The following PCDHA7 variants were observed in gnomAD, a reference collection of about 807,000 sequenced individuals.
The protein encoded by PCDHA7 is protocadherin alpha-7.
A neutral mutation model predicts 57.2 loss-of-function variants in PCDHA7; 37 were observed. The observed-to-expected ratio is 0.65, with a 90% CI of 0.50 to 0.85. The LOEUF (loss-of-function observed/expected upper bound fraction) is 0.85, where lower values mean the gene tolerates loss of function less well. Ranked by LOEUF, PCDHA7 falls within the 40% of genes least tolerant of loss-of-function variation. The pLI, the probability that PCDHA7 is intolerant of heterozygous loss-of-function variation, is 0.00. For synonymous variants in PCDHA7, 553 were observed against 558.8 expected (o/e 0.99, Z 0.15); for missense variants, 1,188 against 1,241.8 (o/e 0.96, Z 0.65).
At position 140,853,566 on chromosome 5, in the gene PCDHA7, G is replaced by A; in HGVS notation, c.2355+16828G>A. 2.0e-6 allele frequency: 2 copies of A among 981,338 alleles called. 1 individual carries two copies. The highest frequency in any genetic ancestry group is 2.5e-6 in the Non-Finnish European group (2 of 813,850). 60.8% of individuals were successfully genotyped at this position (981,338 alleles called of 1,614,324 possible). A position where few individuals can be genotyped will look rare whatever the true frequency, so the allele number is the denominator to read the frequency against. ...GTAATTACTATATAGGAAAAACTAA[G>A]TTGTCACCCAATATCTTAGACACTT... On this transcript the variant is annotated intron_variant, in intron 1 of 3. Transcript: ENST00000525929.
At chr5:140,899,251 G>A (rs1322090098) in intron 1 of PCDHA7, among the ~76,000 whole-genome samples, 1 of 152,082 alleles carries the variant, frequency 6.6e-6, no homozygotes, top group Non-Finnish European at 1.5e-5. Flanking sequence ...GTGAGAGAGG[G>A]CATCCCTGTC....
At chr5:140,841,519 G>C (rs1777296865) in intron 1 of PCDHA7, 1 of 1,613,472 alleles carries the variant, frequency 6.2e-7, no homozygotes, top group African/African-American at 1.3e-5. Context: ...TGTTCCGGGT[G>C]GCGTCCAAAA....
chr5:140,966,788 C>A, intron 1 of PCDHA7: 1 of 1,527,436 alleles, frequency 6.5e-7, no homozygotes, highest in African/African-American at 1.4e-5. Flanking sequence ...GGGCACCAGA[C>A]CTGCGGCGAC....
chr5:140,959,696 G>A (rs1344206142), intron 1 of PCDHA7, among the ~76,000 whole-genome samples: 1 of 152,098 alleles, frequency 6.6e-6, no homozygotes, highest in Non-Finnish European at 1.5e-5. Flanking sequence ...AATAAAATGA[G>A]CTTTGAAAGG....
chr5:140,943,257 CAAA>C (rs1238620023), intron 1 of PCDHA7, among the ~76,000 whole-genome samples: 2 of 77,570 alleles, frequency 2.6e-5, no homozygotes. Flanking sequence ...GACTCTGTCT[CAAA>C]AAAAAAAAAA....
intron 1 of PCDHA7, among the ~76,000 whole-genome samples, chr5:140,890,446 T>A (rs1554184296): frequency 6.6e-6 from 1 of 152,228 alleles, no homozygotes; most frequent in Non-Finnish European, 1.5e-5. Context: ...CCTAGTGATA[T>A]CTTTAGGCAC....
chr5:140,836,281 C>A lies in PCDHA7; in HGVS notation c.1898C>A (p.Thr633Lys). 1.2e-6 allele frequency: 2 copies of A among 1,613,732 alleles called. No individual in the cohort carries two copies. The highest frequency in any genetic ancestry group is 1.7e-6 in the Non-Finnish European group (2 of 1,179,808). Residue 633 changes from threonine (T) to lysine (K), a missense_variant, in exon 1 of 4, where the codon ACG becomes AAG. Physicochemically the swap from Thr to Lys is moderately conservative, Grantham distance 78 (BLOSUM62 -1). Coordinates refer to ENST00000525929, the MANE Select transcript of PCDHA7 (RefSeq NM_018910.3). ...RVGLYTGEIS[T>K]TRALDETDAP... is the part of the protein sequence containing the mutation. ...GGGCTGTACACTGGTGAGATCAGCACGACACGAGCCCTAGATGAGACGGAC... is the reference window on the plus strand; with the variant it reads ...GGGCTGTACACTGGTGAGATCAGCAAGACACGAGCCCTAGATGAGACGGAC...
In PCDHA7 at chr5:140,835,194, G is replaced by A; in HGVS notation, c.811G>A (p.Glu271Lys). Residue 271 changes from glutamate (E) to lysine (K), a missense_variant, in exon 1 of 4, where the codon GAA becomes AAA. Around this residue, in one of 3 missense-constraint regions of PCDHA7, gnomAD observed 102 missense variants for 267.4 expected, o/e 0.38. Transcript: ENST00000525929. ...VIHPNASDLD[E>K]GLNGDIIYSF... is the part of the protein sequence containing the mutation. ...TCACCCCAATGCCTCAGATTTAGAC[G>A]AAGGCTTGAATGGGGATATTATTTA... 6.5e-7 allele frequency: 1 copy of A among 1,544,758 alleles called. No homozygotes were observed. Among genetic ancestry groups the A allele is most frequent in the Non-Finnish European group, 8.8e-7 (1 of 1,140,994 alleles).
chr5:141,005,164 G>A (rs782398186), intron 3 of PCDHA7, among the ~76,000 whole-genome samples: 2 of 152,178 alleles, frequency 1.3e-5, no homozygotes, highest in Non-Finnish European at 2.9e-5. Context: ...TAAAGAGTGG[G>A]TACCACTTTC....
chr5:140,887,711 T>C (rs1486449046), intron 1 of PCDHA7, among the ~76,000 whole-genome samples: 1 of 152,198 alleles, frequency 6.6e-6, no homozygotes, highest in African/African-American at 2.4e-5. Context: ...ATACTTCTTC[T>C]AATAGTTTTT....
At chr5:140,983,882 A>G (rs1203287819) in intron 3 of PCDHA7, among the ~76,000 whole-genome samples, 2 of 152,224 alleles carry the variant, frequency 1.3e-5, no homozygotes, top group East Asian at 3.8e-4. Flanking sequence ...TTTACTGGCA[A>G]CTTTAAGGGC....
In PCDHA7 at chr5:140,935,762, C is replaced by T. The variant is rs187194530; in HGVS notation, c.2356-43187C>T. Among the ~76,000 whole-genome samples the T allele has an allele frequency of 2.5e-3, 386 of 152,162 alleles. 3 individuals are homozygous for T. The highest frequency in any genetic ancestry group is 0.018 in the South Asian group (87 of 4,822). On this transcript the variant is annotated intron_variant, in intron 1 of 3. Transcript: ENST00000525929. ...TTATTCCATACAATACACATTCTTC[C>T]CCACTTTGAGTTTTTTCACTTAAAA... is the stretch of plus-strand genomic sequence containing the variant.
rs2150425951 is a variant in PCDHA7 at position 140,848,946 on chromosome 5, C to A, written c.2355+12208C>A. The A allele has an allele frequency of 3.1e-6, 5 of 1,607,242 alleles. No individual in the cohort carries two copies. In the South Asian group the frequency reaches 5.5e-5, roughly 18 times the overall value. ...CGCGGAATCCAGGCCGCTTGACTCT[C>A]GGTTTCCACTAGAGGGCGCGTCCGA... On this transcript the variant is annotated intron_variant, in intron 1 of 3. Transcript: ENST00000525929.
chr5:140,998,070 G>T (rs2097795700), intron 3 of PCDHA7, among the ~76,000 whole-genome samples: 1 of 152,050 alleles, frequency 6.6e-6, no homozygotes, highest in Admixed American at 6.6e-5. Context: ...AACAGACTTA[G>T]CCTCTGCAGT....
chr5:140,989,653 T>A (rs1308581336), intron 3 of PCDHA7, among the ~76,000 whole-genome samples: 2 of 152,194 alleles, frequency 1.3e-5, no homozygotes, highest in African/African-American at 4.8e-5. Context: ...ATGGCAATAT[T>A]TTAAAAGAAA....
rs369053351 is a variant in PCDHA7, at chr5:140,982,539, C to A, written c.2479C>A (p.Pro827Thr). ...AGPGGPDQQW[P>T]TVSSATPEPE... The stretch of plus-strand genomic sequence containing the variant: ...TCCAGGAGGGCCTGATCAGCAGTGG[C>A]CAACAGTATCCAGTGCAACACCAGG... Residue 827 changes from proline (P) to threonine (T), a missense_variant, in exon 3 of 4, where the codon CCA (proline) becomes ACA (threonine). By Grantham distance (38) the Pro-to-Thr change is conservative. Coordinates refer to ENST00000525929, the MANE Select transcript of PCDHA7 (RefSeq NM_018910.3). 29 of 1,614,008 alleles carry A rather than the reference C, an allele frequency of 1.8e-5. No individual in the cohort carries two copies. The highest frequency in any genetic ancestry group is 2.2e-5 in the Non-Finnish European group (26 of 1,180,032).
At chr5:140,899,400 AG>A (rs1331352997) in intron 1 of PCDHA7, among the ~76,000 whole-genome samples, 2 of 152,132 alleles carry the variant, frequency 1.3e-5, no homozygotes, top group Non-Finnish European at 2.9e-5. Context: ...TTTAGCATGA[AG>A]GGTTGTTGAA....
chr5:140,857,491 G>A, intron 1 of PCDHA7: 2 of 1,598,340 alleles, frequency 1.3e-6, no homozygotes, highest in Non-Finnish European at 1.7e-6. Flanking sequence ...CGTGGGACGC[G>A]GACGCGCAGG....
chr5:140,858,465 T>C lies in PCDHA7; in HGVS notation c.2355+21727T>C, dbSNP rs1554151663. The C allele has an allele frequency of 1.3e-6, 2 of 1,522,706 alleles. 1 individual carries two copies. The allele number at this position is 1,522,706 out of a possible 1,614,324, so 94.3% of individuals were successfully genotyped here. ...GGTTATTACGTTTTCATTTTCCTTT[T>C]GTGCTTTATGAATAATATTTTCTCT... On this transcript the variant is annotated intron_variant, in intron 1 of 3. Coordinates refer to ENST00000525929, the MANE Select transcript of PCDHA7 (RefSeq NM_018910.3).
Sources: gnomAD v4.1 joint callset for allele counts (sites outside exome capture counted in the v4.1 genomes callset) on GRCh38, gnomAD v4.1.1 for gene constraint, gnomAD v4.1.1 regional missense constraint, MANE v1.5 for transcripts, NCBI Gene and HGNC (gene_info 2026-07-23, HGNC 2026-07-21) for gene names.